ERH: variants seen among roughly 807,000 people sequenced by gnomAD.
ERH encodes the protein enhancer of rudimentary homolog.
Under a neutral mutation model 16.8 loss-of-function variants are expected in ERH, and 1 was observed. The observed-to-expected ratio is 0.06, with a 90% CI of 0.02 to 0.28. ERH has a LOEUF of 0.28. Ranked by LOEUF, ERH falls within the 10% of genes least tolerant of loss-of-function variation. The pLI is 1.00. For synonymous variants in ERH, 43 were observed against 43.6 expected, an observed-to-expected ratio of 0.99 and a Z score of 0.05; for missense variants, 42 against 127.5, an observed-to-expected ratio of 0.33 and a Z score of 3.23.
chr14:69,385,185 C>T (rs532111840), intron 3 of ERH, among the ~76,000 whole-genome samples: 1 of 152,270 alleles, frequency 6.6e-6, no homozygotes, highest in South Asian at 2.1e-4. Flanking sequence ...TCTACCTACT[C>T]CTCACCTGTA....
chr14:69,380,328 TAAA>T lies in ERH; in HGVS notation c.*207_*209del, dbSNP rs796266225. Reference sequence around the variant, plus strand: ...CTAAATCATCATAAAAATGTTTAAGTAAAAAAAAAAAAAGAAAGAGAAAGAAAA... The same window carrying T: ...CTAAATCATCATAAAAATGTTTAAGTAAAAAAAAAAGAAAGAGAAAGAAAA... On this transcript the variant is annotated 3_prime_UTR_variant, in exon 4 of 4. Coordinates refer to ENST00000557016, the MANE Select transcript of ERH (RefSeq NM_004450.3). 128 of 359,344 alleles carry T rather than the reference TAAA, an allele frequency of 3.6e-4. No homozygotes were observed. The highest frequency in any genetic ancestry group is 7.3e-4 in the Middle Eastern group (1 of 1,378). The allele number at this position is 359,344 out of a possible 1,614,324, so 22.3% of individuals were successfully genotyped here. A position where few individuals can be genotyped will look rare whatever the true frequency, so the allele number is the denominator to read the frequency against.
rs116383943 is a variant in ERH at position 69,389,771 on chromosome 14, G to T, written c.92-2688C>A. On this transcript the variant is annotated intron_variant, in intron 2 of 3. Transcript: ENST00000557016. ...CCCTACACTATAAAATGTCATGGAA[G>T]GACTCTTTTCTTTCCCTTGAGACAC... 3.1e-3 allele frequency among the ~76,000 whole-genome samples: 477 copies of T among 152,182 alleles called. 4 individuals are homozygous for T. The highest frequency in any genetic ancestry group is 0.011 in the African/African-American group (463 of 41,510).
chr14:69,385,367 G>GT (rs2045885127), intron 3 of ERH, among the ~76,000 whole-genome samples: 1 of 152,048 alleles, frequency 6.6e-6, no homozygotes, highest in South Asian at 2.1e-4. Flanking sequence ...CCACAAACCT[G>GT]TAACACCTGT....
intron 1 of ERH, among the ~76,000 whole-genome samples, chr14:69,397,688 G>C (rs1177944646): frequency 6.6e-6 from 1 of 152,158 alleles, no homozygotes; most frequent in African/African-American, 2.4e-5. Context: ...GGATGCCGAG[G>C]CGGGTGGATT....
At position 69,394,530 on chromosome 14, in the gene ERH, G is replaced by A. The variant is rs547703225; in HGVS notation, c.91+295C>T. ...AGAGAATCACTTGAACCTGGGGGGC[G>A]GAGGTTGCGTAAGCCGAGATCGCAT... On this transcript the variant is annotated intron_variant, in intron 2 of 3. Transcript: ENST00000557016. 5.3e-5 allele frequency among the ~76,000 whole-genome samples: 8 copies of A among 152,294 alleles called. No homozygotes were observed. In the East Asian group the frequency reaches 5.8e-4, roughly 11 times the overall value.
At chr14:69,386,319 T>C (rs568590395) in intron 3 of ERH, among the ~76,000 whole-genome samples, 4 of 152,344 alleles carry the variant, frequency 2.6e-5, no homozygotes, top group Non-Finnish European at 4.4e-5. Flanking sequence ...TGACATGTAA[T>C]AAATATTCAA....
chr14:69,397,529 C>G (rs748709843), intron 1 of ERH, among the ~76,000 whole-genome samples: 3 of 152,006 alleles, frequency 2.0e-5, no homozygotes, highest in Non-Finnish European at 2.9e-5. Flanking sequence ...CTCTCCTGGC[C>G]CACATGCTGG....
At chr14:69,398,079 G>C in intron 1 of ERH, 152 bp downstream of exon 1, 1 of 1,007,648 alleles carries the variant, frequency 9.9e-7, no homozygotes, top group South Asian at 1.4e-5. Flanking sequence ...TGGCGTCCCT[G>C]CGGCGGGAAG....
chr14:69,383,476 C>A (rs1005778496), intron 3 of ERH, among the ~76,000 whole-genome samples: 5 of 152,180 alleles, frequency 3.3e-5, no homozygotes, highest in African/African-American at 9.7e-5. Context: ...CAGTGGGTTA[C>A]CTCTTTGGAA....
chr14:69,397,452 GA>G lies in ERH; in HGVS notation c.3+778del, dbSNP rs201254745. ...CAATACCTAGAGGTCTCAAAAACAG[GA>G]AAAAAAAAAAAAAGGCAGAGCACAG... is the stretch of plus-strand genomic sequence containing the variant. On this transcript the variant is annotated intron_variant, in intron 1 of 3. Transcript: ENST00000557016. Among the ~76,000 whole-genome samples the G allele has an allele frequency of 2.5e-3, 319 of 127,268 alleles. 1 individual carries two copies. Among genetic ancestry groups the G allele is most frequent in the Admixed American group, 3.1e-3 (40 of 12,702 alleles). The allele number at this position is 127,268 out of a possible 152,430, so 83.5% of individuals were successfully genotyped here.
rs866393239 is a variant in ERH, at chr14:69,398,109, A to G, written c.3+122T>C. The G allele has an allele frequency of 2.3e-5, 27 of 1,196,510 alleles. No individual in the cohort carries two copies. The African/African-American group carries it at 3.3e-4, about 15-fold the overall frequency. 74.1% of individuals were successfully genotyped at this position (1,196,510 alleles called of 1,614,324 possible). On this transcript the variant is annotated intron_variant, in intron 1 of 3. Transcript: ENST00000557016. ...GGGAAGAAGGGTCAATCCACCGACT[A>G]GAGTGGCGGGGAGCATCACGCGGCG...
intron 1 of ERH, among the ~76,000 whole-genome samples, chr14:69,395,463 C>T (rs1252727366): frequency 6.6e-6 from 1 of 152,214 alleles, no homozygotes; most frequent in Non-Finnish European, 1.5e-5. Flanking sequence ...CCTTGCCCTC[C>T]TTTTCCTTTT....
At chr14:69,394,217 G>A (rs1456184240) in intron 2 of ERH, among the ~76,000 whole-genome samples, 1 of 151,484 alleles carries the variant, frequency 6.6e-6, no homozygotes, top group East Asian at 1.9e-4. Context: ...AATAACATGT[G>A]ACAAATAAGA....
intron 2 of ERH, among the ~76,000 whole-genome samples, chr14:69,392,760 T>C (rs546372648): frequency 6.6e-6 from 1 of 152,336 alleles, no homozygotes; most frequent in South Asian, 2.1e-4. Flanking sequence ...AATTCATTAA[T>C]AATAGGGGAA....
chr14:69,386,210 C>T (rs2045891917), intron 3 of ERH, among the ~76,000 whole-genome samples: 1 of 152,154 alleles, frequency 6.6e-6, no homozygotes, highest in African/African-American at 2.4e-5. Flanking sequence ...CATGGTGCAG[C>T]CACATTCCAT....
At chr14:69,390,544 A>G (rs1299902354) in intron 2 of ERH, among the ~76,000 whole-genome samples, 2 of 152,250 alleles carry the variant, frequency 1.3e-5, no homozygotes, top group Admixed American at 1.3e-4. Context: ...ACAACAGACC[A>G]GAGACTTAAA....
At chr14:69,394,963 A>G (rs375673899) in intron 1 of ERH, 51 bp from the exon 2 acceptor site, 1 of 1,300,710 alleles carries the variant, frequency 7.7e-7, no homozygotes, top group Non-Finnish European at 1.1e-6. Flanking sequence ...AGAAATTCAT[A>G]GTATGATAAA....
Position 69,386,943 on chromosome 14 carries a change from A to T in ERH, c.212+20T>A. On this transcript the variant is annotated intron_variant, in intron 3 of 3. Coordinates refer to ENST00000557016, the MANE Select transcript of ERH (RefSeq NM_004450.3). ...AGCAATAGAAAATACAAGATAAAAG[A>T]CATGTTGGCTAATACTTACACCAGG... 6.2e-7 allele frequency: 1 copy of T among 1,610,696 alleles called. No individual in the cohort carries two copies. Among genetic ancestry groups the T allele is most frequent in the Non-Finnish European group, 8.5e-7 (1 of 1,178,768 alleles).
At chr14:69,398,119 G>T in intron 1 of ERH, 112 bp downstream of exon 1, 2 of 1,229,608 alleles carry the variant, frequency 1.6e-6, no homozygotes, top group Non-Finnish European at 2.3e-6. Context: ...AGAGTGGCGG[G>T]GAGCATCACG....
Sources: gnomAD v4.1 joint callset for allele counts (sites outside exome capture counted in the v4.1 genomes callset) on GRCh38, gnomAD v4.1.1 for gene constraint, MANE v1.5 for transcripts, NCBI Gene and HGNC (gene_info 2026-07-23, HGNC 2026-07-21) for gene names.